AASS: variants seen among roughly 807,000 people sequenced by gnomAD.
AASS encodes alpha-aminoadipic semialdehyde synthase, mitochondrial.
A neutral mutation model predicts 105.4 loss-of-function variants in AASS; 86 were observed. The ratio of observed to expected loss-of-function variants is 0.82; its 90% CI spans 0.69 to 0.98. The LOEUF (loss-of-function observed/expected upper bound fraction) is 0.98. AASS is among the 50% of genes least tolerant of loss of function. The pLI, the probability that AASS is intolerant of heterozygous loss-of-function variation, is 0.00. For synonymous variants in AASS, 381 were observed against 394.8 expected, an observed-to-expected ratio of 0.96 and a Z score of 0.41; for missense variants, 1,048 against 1,143.2, an observed-to-expected ratio of 0.92 and a Z score of 1.20.
At chr7:122,084,876 A>G (rs1377017744) in intron 19 of AASS, among the ~76,000 whole-genome samples, 1 of 152,038 alleles carries the variant, frequency 6.6e-6, no homozygotes, top group Non-Finnish European at 1.5e-5. Flanking sequence ...CTCACAAGAC[A>G]GACAGATTTG....
intron 1 of AASS, among the ~76,000 whole-genome samples, chr7:122,140,891 A>T (rs1796363178): frequency 6.6e-6 from 1 of 152,102 alleles, no homozygotes; most frequent in Admixed American, 6.5e-5. Context: ...AAAAAAAAAA[A>T]AATACAAGTA....
In AASS at chr7:122,093,104, T is replaced by C; in HGVS notation, c.1710A>G (p.Lys570=). 6.2e-7 allele frequency: 1 copy of C among 1,614,030 alleles called. No individual in the cohort carries two copies. Among genetic ancestry groups the C allele is most frequent in the Non-Finnish European group, 8.5e-7 (1 of 1,179,910 alleles). The change falls in exon 16 of 24, where the codon AAA becomes AAG. Residue 570 remains lysine, a synonymous_variant. Coordinates refer to ENST00000417368, the MANE Select transcript of AASS (RefSeq NM_005763.4). Reference sequence around the variant, plus strand: ...TGTAGCTTGCAGTGACCATGTTAACTTTGTTTGTGATGCAGGCCTTGGCCA... The same window carrying C: ...TGTAGCTTGCAGTGACCATGTTAACCTTGTTTGTGATGCAGGCCTTGGCCA... The part of the protein sequence containing the change: ...PLVAKACITN[K]VNMVTASYIT...
At chr7:122,120,335 T>C (rs1795385013) in intron 4 of AASS, among the ~76,000 whole-genome samples, 1 of 152,178 alleles carries the variant, frequency 6.6e-6, no homozygotes, top group Non-Finnish European at 1.5e-5. Flanking sequence ...ATCTAGTTCA[T>C]CAAGGTTGCC....
chr7:122,098,872 T>TAAAAAAA lies in AASS; in HGVS notation c.1407-13_1407-7dup, dbSNP rs34474265. ...AAAGTGACTGAGCACGTTCCCTATT[T>TAAAAAAA]AAAAAAAAAAAAAAAAAAAAAAAAG... On this transcript the variant is annotated splice_region_variant and splice_polypyrimidine_tract_variant and intron_variant, in intron 13 of 23. Transcript: ENST00000417368. The TAAAAAAA allele has an allele frequency of 2.8e-5, 33 of 1,167,130 alleles. No individual in the cohort carries two copies. Among genetic ancestry groups the TAAAAAAA allele is most frequent in the Admixed American group, 1.6e-4 (4 of 24,482 alleles). 72.3% of individuals were successfully genotyped at this position (1,167,130 alleles called of 1,614,324 possible).
intron 1 of AASS, among the ~76,000 whole-genome samples, chr7:122,140,485 C>CAAAAAAAAAAAAAAACA (rs1796337219): frequency 2.7e-5 from 1 of 37,328 alleles, no homozygotes; most frequent in Non-Finnish European, 4.7e-5. Context: ...GACTCAGTCT[C>CAAAAAAAAAAAAAAACA]AAAAAAAAAA....
At chr7:122,117,103 G>A (rs1795219140) in intron 6 of AASS, 146 bp from the exon 7 acceptor site, 2 of 748,350 alleles carry the variant, frequency 2.7e-6, no homozygotes, top group Non-Finnish European at 4.6e-6. Context: ...AAATACAGAT[G>A]AGTTGCTTAC....
intron 20 of AASS, among the ~76,000 whole-genome samples, chr7:122,080,763 C>T (rs73442807): frequency 0.023 from 3,465 of 152,150 alleles, 54 homozygotes; most frequent in Non-Finnish European, 0.03. Context: ...ATAAAGAATT[C>T]AAAAATAATT....
Position 122,098,478 on chromosome 7 carries a change from A to G in AASS, c.1627T>C (p.Leu543=), listed in dbSNP as rs1453076309. Residue 543 remains leucine (L), a synonymous_variant, in exon 15 of 24, where the codon TTG becomes CTG. Transcript: ENST00000417368. ...ICKQEEKLGF[L]VAKQDLVISL... ...ATGACAAGATCCTGTTTTGCCACCA[A>G]GAAGCCCAGCTTCTCTTCTTGTTTA... 1 of 1,612,280 alleles carries G rather than the reference A, an allele frequency of 6.2e-7. No individual in the cohort carries two copies. Among genetic ancestry groups the G allele is most frequent in the Non-Finnish European group, 8.5e-7 (1 of 1,178,886 alleles).
chr7:122,098,278 TTG>T (rs896003450), intron 15 of AASS, among the ~76,000 whole-genome samples, 170 bp downstream of exon 15: 9 of 152,076 alleles, frequency 5.9e-5, no homozygotes, highest in African/African-American at 2.2e-4. Context: ...TGTGTTCACT[TTG>T]TGAAAATTCA....
At chr7:122,095,837 T>A in intron 15 of AASS, among the ~76,000 whole-genome samples, 1 of 152,114 alleles carries the variant, frequency 6.6e-6, no homozygotes, top group Non-Finnish European at 1.5e-5. Flanking sequence ...TAATAGAAAA[T>A]GTGCAATGTC....
intron 4 of AASS, among the ~76,000 whole-genome samples, chr7:122,126,165 T>C (rs997552051): frequency 6.6e-6 from 1 of 152,250 alleles, no homozygotes; most frequent in Non-Finnish European, 1.5e-5. Flanking sequence ...TTCTCCCTGC[T>C]TTTTCCTTTG....
chr7:122,092,990 A>T, intron 16 of AASS, 39 bp from the exon 17 acceptor site: 1 of 1,611,988 alleles, frequency 6.2e-7, no homozygotes, highest in Non-Finnish European at 8.5e-7. Flanking sequence ...AAACTTGGAT[A>T]TAAAATAAAA....
chr7:122,091,871 G>A (rs1386237383), intron 17 of AASS, 28 bp from the exon 18 acceptor site: 3 of 1,494,256 alleles, frequency 2.0e-6, no homozygotes, highest in Non-Finnish European at 2.8e-6. Context: ...AATAAATAAG[G>A]AAGAATTCAC....
At position 122,113,193 on chromosome 7, in the gene AASS, G is replaced by T; in HGVS notation, c.1203C>A (p.Asp401Glu). ...CAATTGGGAGCTGTGCCGGCAAATT[G>T]TCAATGGAACACATCAGGATCCCCG... ...EGSGILMCSIDNLPAQLPIEA... is the reference protein window; with the variant it reads ...EGSGILMCSIENLPAQLPIEA... Residue 401 changes from aspartate to glutamate, a missense_variant, in exon 11 of 24, where the codon GAC becomes GAA. Physicochemically the swap from Asp to Glu is conservative, Grantham distance 45 (BLOSUM62 2). Coordinates refer to ENST00000417368, the MANE Select transcript of AASS (RefSeq NM_005763.4). The T allele has an allele frequency of 1.2e-6, 2 of 1,614,048 alleles. No individual in the cohort carries two copies. The highest frequency in any genetic ancestry group is 2.7e-5 in the African/African-American group (2 of 75,048).
chr7:122,134,494 A>G (rs1796055795), intron 1 of AASS, among the ~76,000 whole-genome samples: 1 of 152,180 alleles, frequency 6.6e-6, no homozygotes, highest in South Asian at 2.1e-4. Context: ...AGTAGCTAGG[A>G]CTACAGGTGC....
At position 122,116,685 on chromosome 7, in the gene AASS, G is replaced by GTTTTCCT; in HGVS notation, c.841_842insAGGAAAA (p.Pro281GlnfsTer7). On this transcript the variant is annotated frameshift_variant, in exon 8 of 24. Coordinates refer to ENST00000417368, the MANE Select transcript of AASS (RefSeq NM_005763.4). LOFTEE classifies it high-confidence loss of function. ...CTCCGGATGTTTGTCATACTCTGCA[G>GTTTTCCT]GATCATACACAGCATCTGTTTTCCT... 1.2e-6 allele frequency: 2 copies of GTTTTCCT among 1,614,074 alleles called. No homozygotes were observed. The highest frequency in any genetic ancestry group is 1.7e-6 in the Non-Finnish European group (2 of 1,179,988).
rs563437450 is a variant in AASS at position 122,081,487 on chromosome 7, C to T, written c.2280+13G>A. On this transcript the variant is annotated intron_variant, in intron 20 of 23. Transcript: ENST00000417368. Reference sequence around the variant, plus strand: ...GAAAAGGAGCAGATAGAACGTAATTCGGAGTCACTCACCCAGGTGAGAGGG... The same window carrying T: ...GAAAAGGAGCAGATAGAACGTAATTTGGAGTCACTCACCCAGGTGAGAGGG... 25 of 1,600,276 alleles carry T rather than the reference C, an allele frequency of 1.6e-5. No individual in the cohort carries two copies. In the East Asian group the frequency reaches 1.8e-4, roughly 11 times the overall value.
Position 122,075,555 on chromosome 7 carries a change from C to G in AASS, c.*934G>C, listed in dbSNP as rs184918458. The G allele has an allele frequency of 6.6e-6, 1 of 152,308 alleles. No individual in the cohort carries two copies. Among genetic ancestry groups the G allele is most frequent in the East Asian group, 1.9e-4 (1 of 5,186 alleles). 9.4% of individuals were successfully genotyped at this position (152,308 alleles called of 1,614,324 possible). On this transcript the variant is annotated 3_prime_UTR_variant, in exon 24 of 24. Transcript: ENST00000417368. ...CCTTCACCATTAAGTATGATGCTAA[C>G]CATGGGTTCTTCATAGATGCCCTTT...
Position 122,076,453 on chromosome 7 carries a change from T to C in AASS, c.*36A>G. 1.5e-6 allele frequency: 2 copies of C among 1,369,270 alleles called. No individual in the cohort carries two copies. Among genetic ancestry groups the C allele is most frequent in the Non-Finnish European group, 1.0e-6 (1 of 957,126 alleles). 84.8% of individuals were successfully genotyped at this position (1,369,270 alleles called of 1,614,324 possible). The stretch of plus-strand genomic sequence containing the variant: ...TATCACACACATGTTCAGAGGTGTA[T>C]TGCCTGGGAAGAAAAAAACAAAATA... On this transcript the variant is annotated 3_prime_UTR_variant, in exon 24 of 24. Transcript: ENST00000417368.
Sources: gnomAD v4.1 joint callset for allele counts (sites outside exome capture counted in the v4.1 genomes callset) on GRCh38, gnomAD v4.1.1 for gene constraint, MANE v1.5 for transcripts, NCBI Gene and HGNC (gene_info 2026-07-23, HGNC 2026-07-21) for gene names.